The following CSMD1 variants were observed in gnomAD, a reference collection of about 807,000 sequenced individuals.
CSMD1 encodes the protein CUB and Sushi multiple domains 1.
CSMD1 carries 213 observed loss-of-function variants against 417.5 expected under a neutral mutation model. The ratio of observed to expected loss-of-function variants is 0.51; its 90% confidence interval spans 0.46 to 0.57. The LOEUF is 0.57. Among genes scored for constraint, CSMD1 ranks in the 20% least tolerant of loss-of-function variants. CSMD1 has a pLI of 0.00. For missense variants in CSMD1, 6,923 were observed against 4,529.7 expected (o/e 1.53, Z -15.17); for synonymous variants, 2,862 against 1,736.8 (o/e 1.65, Z -16.11).
intron 2 of CSMD1, among the ~76,000 whole-genome samples, chr8:4,539,026 C>G (rs868462435): frequency 6.6e-6 from 1 of 152,186 alleles, no homozygotes; most frequent in African/African-American, 2.4e-5. Flanking sequence ...TGTCAGGCAA[C>G]GTTATCCTCC....
At chr8:3,155,230 C>G (rs1819442232) in intron 39 of CSMD1, among the ~76,000 whole-genome samples, 1 of 151,790 alleles carries the variant, frequency 6.6e-6, no homozygotes, top group Non-Finnish European at 1.5e-5. Flanking sequence ...AATTTCAATT[C>G]CTGACTTTTA....
intron 5 of CSMD1, among the ~76,000 whole-genome samples, chr8:3,754,538 T>A (rs1489074524): frequency 1.3e-5 from 2 of 152,116 alleles, no homozygotes; most frequent in Non-Finnish European, 2.9e-5. Context: ...CACTGCAAGC[T>A]CCGCCTCCTG....
At chr8:3,659,017 G>A (rs1051098535) in intron 7 of CSMD1, among the ~76,000 whole-genome samples, 1 of 152,146 alleles carries the variant, frequency 6.6e-6, no homozygotes, top group African/African-American at 2.4e-5. Context: ...TAGGTCCTCA[G>A]AGCAGTGTCA....
At chr8:4,242,884 A>T (rs1194422525) in intron 3 of CSMD1, among the ~76,000 whole-genome samples, 4 of 152,236 alleles carry the variant, frequency 2.6e-5, no homozygotes, top group Admixed American at 2.0e-4. Flanking sequence ...GAAATATTAA[A>T]GTCATTAAAA....
chr8:4,861,787 T>C (rs1024991419), intron 1 of CSMD1, among the ~76,000 whole-genome samples: 7 of 152,080 alleles, frequency 4.6e-5, no homozygotes, highest in African/African-American at 1.7e-4. Flanking sequence ...AAGCTCTAAA[T>C]AACTTTTTGC....
Position 3,239,685 on chromosome 8 carries a change from G to C in CSMD1, c.4154-9454C>G, listed in dbSNP as rs190301600. Among the ~76,000 whole-genome samples the C allele has an allele frequency of 2.0e-3, 298 of 152,336 alleles. 1 individual carries two copies. The highest frequency in any genetic ancestry group is 3.3e-3 in the Non-Finnish European group (227 of 68,034). On this transcript the variant is annotated intron_variant, in intron 26 of 69. Transcript: ENST00000635120. Reference sequence around the variant, plus strand: ...GGAAATGAGAGGTTCTAAGAGGCGGGCTAGTGGCTAGTACTATAGCATAGC... The same window carrying C: ...GGAAATGAGAGGTTCTAAGAGGCGGCCTAGTGGCTAGTACTATAGCATAGC...
chr8:3,969,507 CA>C (rs1189113477), intron 5 of CSMD1, among the ~76,000 whole-genome samples: 1 of 152,062 alleles, frequency 6.6e-6, no homozygotes, highest in African/African-American at 2.4e-5. Flanking sequence ...TTCCCTTGTA[CA>C]AGTTATTTAA....
intron 3 of CSMD1, among the ~76,000 whole-genome samples, chr8:4,277,239 C>G (rs1254346862): frequency 2.0e-5 from 3 of 151,834 alleles, no homozygotes; most frequent in African/African-American, 7.3e-5. Context: ...ATACATACTG[C>G]TGTTAATCTT....
intron 38 of CSMD1, 100 bp downstream of exon 38, chr8:3,162,059 G>T: frequency 1.4e-6 from 1 of 736,370 alleles, no homozygotes; most frequent in Non-Finnish European, 2.4e-6. Flanking sequence ...CACAAACTGA[G>T]TGAGGAAAAC....
chr8:4,342,399 G>C (rs766002878), intron 3 of CSMD1, among the ~76,000 whole-genome samples: 1 of 152,074 alleles, frequency 6.6e-6, no homozygotes, highest in Non-Finnish European at 1.5e-5. Context: ...GTATAAATGT[G>C]TGAATAGGTT....
At chr8:3,333,973 G>C (rs940059534) in intron 23 of CSMD1, among the ~76,000 whole-genome samples, 16 of 152,130 alleles carry the variant, frequency 1.1e-4, no homozygotes, top group Admixed American at 6.5e-5. Flanking sequence ...GCTTGTATAG[G>C]ATTTCCAAAA....
At chr8:4,938,290 G>C (rs973904111) in intron 1 of CSMD1, among the ~76,000 whole-genome samples, 2 of 152,088 alleles carry the variant, frequency 1.3e-5, no homozygotes, top group African/African-American at 4.8e-5. Context: ...TTGCAGAGTG[G>C]GAAATTTGAC....
intron 3 of CSMD1, among the ~76,000 whole-genome samples, chr8:4,414,510 A>G (rs1563148686): frequency 2.0e-5 from 3 of 152,334 alleles, no homozygotes; most frequent in Admixed American, 6.5e-5. Context: ...TATTTTTAAG[A>G]GGATCTGCTT....
intron 6 of CSMD1, among the ~76,000 whole-genome samples, chr8:3,720,774 G>C (rs1010918757): frequency 6.6e-6 from 1 of 152,114 alleles, no homozygotes; most frequent in Non-Finnish European, 1.5e-5. Flanking sequence ...TTCAGATGCT[G>C]ACACGATCCA....
intron 5 of CSMD1, among the ~76,000 whole-genome samples, chr8:3,919,462 T>A (rs1304607926): frequency 1.3e-5 from 2 of 152,108 alleles, no homozygotes; most frequent in African/African-American, 4.8e-5. Context: ...GAGTTCACTT[T>A]CTGGCTTTCT....
rs527497224 is a variant in CSMD1, at chr8:3,130,760, C to T, written c.6241+11705G>A. Among the ~76,000 whole-genome samples, 4 of 152,282 alleles carry T rather than the reference C, an allele frequency of 2.6e-5. No homozygotes were observed. The South Asian group carries it at 8.3e-4, about 32-fold the overall frequency. ...GCAGACCCCAGGCCCCCGCTCACAA[C>T]CTAAACATCACCCCAATCATTTCCT... On this transcript the variant is annotated intron_variant, in intron 41 of 69. Transcript: ENST00000635120.
intron 10 of CSMD1, among the ~76,000 whole-genome samples, chr8:3,536,022 T>G (rs181632957): frequency 1.3e-3 from 196 of 152,216 alleles, no homozygotes; most frequent in African/African-American, 4.5e-3. Context: ...AGTGACCTCC[T>G]CAAGCCAGCG....
chr8:4,829,721 G>T (rs1383183170), intron 1 of CSMD1, among the ~76,000 whole-genome samples: 1 of 138,680 alleles, frequency 7.2e-6, no homozygotes, highest in Non-Finnish European at 1.5e-5. Flanking sequence ...TTGGATGGCA[G>T]AGTGAGACCC....
At chr8:3,234,773 A>G (rs1025260847) in intron 26 of CSMD1, among the ~76,000 whole-genome samples, 14 of 152,204 alleles carry the variant, frequency 9.2e-5, no homozygotes, top group African/African-American at 3.4e-4. Context: ...TAATCATAGA[A>G]TACAATCACC....
Sources: allele counts gnomAD v4.1 joint callset (sites outside exome capture counted in the v4.1 genomes callset), GRCh38; gene constraint gnomAD v4.1.1; transcripts MANE v1.5; gene names NCBI Gene and HGNC (gene_info 2026-07-23, HGNC 2026-07-21).